Variants in BTBD2 observed in about 807,000 individuals in gnomAD.
BTBD2 encodes BTB domain containing 2, also known as BTB/POZ domain-containing protein 2.
Under a neutral mutation model 44.0 loss-of-function variants are expected in BTBD2, and 15 were observed. The ratio of observed to expected loss-of-function variants is 0.34; its 90% CI spans 0.23 to 0.53. The LOEUF is 0.53. Ranked by LOEUF, BTBD2 falls within the 20% of genes least tolerant of loss-of-function variation. The pLI is 0.95. For missense variants in BTBD2, 657 were observed against 746.4 expected, an observed-to-expected ratio of 0.88 and a Z score of 1.39; for synonymous variants, 443 against 335.9, an observed-to-expected ratio of 1.32 and a Z score of -3.49.
At chr19:1,989,544 A>C in intron 5 of BTBD2, 1 of 155,674 alleles carries the variant, frequency 6.4e-6, no homozygotes. Flanking sequence ...GGCAGTGAGC[A>C]GCCACGAGGG....
chr19:1,990,723 C>T lies in BTBD2; in HGVS notation c.784G>A (p.Asp262Asn). ...TGGGCTCCTGGGCCCTTACCCAGGT[C>T]AATGTCGGTGAAGCCCTCCGCGGTG... The part of the protein sequence containing the change: ...AITAEGFTDI[D>N]LDTLVAVLER... Residue 262 changes from aspartate to asparagine, a missense_variant, in exon 4 of 9, where the codon GAC becomes AAC. Physicochemically the swap from Asp to Asn is conservative, Grantham distance 23. Around this residue, in one of 3 missense-constraint regions of BTBD2, gnomAD observed 449 missense variants for 510.9 expected, o/e 0.88. Coordinates refer to ENST00000255608, the MANE Select transcript of BTBD2 (RefSeq NM_017797.4). 1 of 1,599,680 alleles carries T rather than the reference C, an allele frequency of 6.3e-7. No homozygotes were observed. Among genetic ancestry groups the T allele is most frequent in the African/African-American group, 1.3e-5 (1 of 74,610 alleles).
chr19:2,008,773 A>G (rs2016426744), intron 1 of BTBD2, among the ~76,000 whole-genome samples: 2 of 149,514 alleles, frequency 1.3e-5, no homozygotes, highest in Non-Finnish European at 3.0e-5. Context: ...GTCTCGCTAT[A>G]TTGGCCAGAC....
intron 1 of BTBD2, among the ~76,000 whole-genome samples, chr19:2,004,728 C>T (rs971429979): frequency 6.6e-6 from 1 of 151,316 alleles, no homozygotes; most frequent in Non-Finnish European, 1.5e-5. Context: ...CCTGTAATCC[C>T]AGGACTTCGA....
intron 2 of BTBD2, among the ~76,000 whole-genome samples, chr19:1,995,845 C>T (rs553159507): frequency 6.6e-6 from 1 of 151,560 alleles, no homozygotes; most frequent in South Asian, 2.1e-4. Flanking sequence ...TTAATAGAGA[C>T]GAGGTTTCAC....
chr19:2,004,149 A>C (rs1016127729), intron 1 of BTBD2, among the ~76,000 whole-genome samples: 8 of 151,516 alleles, frequency 5.3e-5, no homozygotes, highest in Admixed American at 4.0e-4. Flanking sequence ...ACCAATGTTC[A>C]TTTTACATAT....
chr19:1,999,458 G>A (rs1883991025), intron 1 of BTBD2, among the ~76,000 whole-genome samples: 1 of 152,198 alleles, frequency 6.6e-6, no homozygotes, highest in Non-Finnish European at 1.5e-5. Flanking sequence ...TTGAGCCCAG[G>A]AGTTTGAGAC....
chr19:2,015,308 G>T lies in BTBD2; in HGVS notation c.396C>A (p.Ile132=). 6.4e-7 allele frequency: 1 copy of T among 1,563,824 alleles called. No individual in the cohort carries two copies. The highest frequency in any genetic ancestry group is 8.6e-7 in the Non-Finnish European group (1 of 1,162,094). ...LVGKGLSSQR[I]PAHRFVLAVG... ...GTCGGGGCGCCCACCTGTGCGCGGG[G>T]ATGCGCTGCGAGCTGAGCCCCTTGC... is the stretch of plus-strand genomic sequence containing the variant. The change falls in exon 1 of 9, where the codon ATC becomes ATA. Residue 132 remains isoleucine (I), a synonymous_variant. Coordinates refer to ENST00000255608, the MANE Select transcript of BTBD2 (RefSeq NM_017797.4).
At position 1,995,276 on chromosome 19, in the gene BTBD2, A is replaced by ATTTTTT. The variant is rs199549335; in HGVS notation, c.527+2067_527+2068insAAAAAA. On this transcript the variant is annotated intron_variant, in intron 2 of 8. Transcript: ENST00000255608. The stretch of plus-strand genomic sequence containing the variant: ...GCCACCGCGCCTAGCCATACTTTGG[A>ATTTTTT]TTCTTTTTTTTTTTTTTTTTTTTGA... 8.1e-5 allele frequency among the ~76,000 whole-genome samples: 8 copies of ATTTTTT among 99,028 alleles called. 1 individual carries two copies. Among genetic ancestry groups the ATTTTTT allele is most frequent in the East Asian group, 3.0e-4 (1 of 3,338 alleles). The allele number at this position is 99,028 out of a possible 152,430, so 65.0% of individuals were successfully genotyped here.
intron 1 of BTBD2, among the ~76,000 whole-genome samples, 192 bp downstream of exon 1, chr19:2,015,091 AGGTGCAGGCCCCGG>A (rs1174000423): frequency 1.5e-5 from 2 of 131,482 alleles, no homozygotes; most frequent in African/African-American, 2.9e-5. Flanking sequence ...GCAGGGCCTC[AGGTGCAGGCCCCGG>A]GGTGCAGGCC....
chr19:2,004,950 G>C (rs2016376572), intron 1 of BTBD2, among the ~76,000 whole-genome samples: 1 of 151,758 alleles, frequency 6.6e-6, no homozygotes, highest in Non-Finnish European at 1.5e-5. Context: ...CTCCCGAGTA[G>C]CTGGGACTAC....
chr19:1,997,855 C>T (rs1291726918), intron 1 of BTBD2, among the ~76,000 whole-genome samples: 6 of 152,238 alleles, frequency 3.9e-5, no homozygotes, highest in Non-Finnish European at 5.9e-5. Flanking sequence ...TGCATTCACT[C>T]GCTCATTCAC....
At chr19:1,987,057 G>C (rs1383276620) in intron 7 of BTBD2, 81 bp from the exon 8 acceptor site, 2 of 1,591,142 alleles carry the variant, frequency 1.3e-6, no homozygotes, top group Non-Finnish European at 1.7e-6. Context: ...ACCTGCCCAG[G>C]GTGGGGGCAG....
At chr19:2,011,440 T>C (rs889802979) in intron 1 of BTBD2, among the ~76,000 whole-genome samples, 1 of 152,084 alleles carries the variant, frequency 6.6e-6, no homozygotes, top group Non-Finnish European at 1.5e-5. Context: ...CCCTCACTCC[T>C]CCTGCTCCGG....
intron 1 of BTBD2, among the ~76,000 whole-genome samples, chr19:2,009,805 A>C (rs1389379957): frequency 6.6e-6 from 1 of 151,970 alleles, no homozygotes; most frequent in Non-Finnish European, 1.5e-5. Flanking sequence ...TGCGGAGATC[A>C]CGCCACTGTA....
chr19:1,987,326 C>G, intron 6 of BTBD2, 73 bp from the exon 7 acceptor site: 2 of 1,553,110 alleles, frequency 1.3e-6, no homozygotes, highest in Admixed American at 3.5e-5. Context: ...CGAGCCCACC[C>G]CCATGCCCGG....
chr19:2,004,400 C>T (rs2016368291), intron 1 of BTBD2, among the ~76,000 whole-genome samples: 1 of 151,352 alleles, frequency 6.6e-6, no homozygotes, highest in African/African-American at 2.4e-5. Context: ...CGGGTGCAAG[C>T]AATTCTCCTG....
intron 5 of BTBD2, chr19:1,988,089 G>T (rs1331927230): frequency 5.2e-6 from 1 of 193,592 alleles, no homozygotes; most frequent in Non-Finnish European, 1.1e-5. Context: ...TCCCTGCTAG[G>T]CCTGTACCCC....
intron 1 of BTBD2, among the ~76,000 whole-genome samples, chr19:2,012,180 T>C (rs1290497224): frequency 6.8e-6 from 1 of 148,096 alleles, no homozygotes; most frequent in Non-Finnish European, 1.5e-5. Context: ...TGAGATGGTG[T>C]GTCACTGTGT....
In BTBD2 at chr19:2,015,688, T is replaced by G; in HGVS notation, c.16A>C (p.Ser6Arg). Residue 6 changes from serine to arginine, a missense_variant, in exon 1 of 9, where the codon AGC (serine) becomes CGC (arginine). Around this residue, in one of 3 missense-constraint regions of BTBD2, gnomAD observed 191 missense variants for 188.5 expected, o/e 1.01. Transcript: ENST00000255608. ...GGCGGGCACGACGCACGCCCGCCGC[T>G]CCCACCCGCCGCCATTTTGTGGCTG... MAAGG[S>R]GGRASCPPGV... 1 of 957,944 alleles carries G rather than the reference T, an allele frequency of 1.0e-6. No individual in the cohort carries two copies. The highest frequency in any genetic ancestry group is 1.2e-6 in the Non-Finnish European group (1 of 821,236). The allele number at this position is 957,944 out of a possible 1,614,324, so 59.3% of individuals were successfully genotyped here.
Sources: gnomAD v4.1 joint callset for allele counts (sites outside exome capture counted in the v4.1 genomes callset) on GRCh38, gnomAD v4.1.1 for gene constraint, gnomAD v4.1.1 regional missense constraint, MANE v1.5 for transcripts, NCBI Gene and HGNC (gene_info 2026-07-23, HGNC 2026-07-21) for gene names.